ADAMTS6: variants seen among roughly 807,000 people sequenced by gnomAD.
ADAMTS6 encodes the protein A disintegrin and metalloproteinase with thrombospondin motifs 6.
Under a neutral mutation model 144.3 loss-of-function variants are expected in ADAMTS6, and 23 were observed. That is an observed-to-expected ratio of 0.16 (90% CI 0.11 to 0.23). ADAMTS6 has a LOEUF of 0.23. Ranked by LOEUF, ADAMTS6 falls within the 10% of genes least tolerant of loss-of-function variation. The probability of loss-of-function intolerance (pLI) is 1.00; values close to 1 mark genes in which losing one functional copy is unlikely to be tolerated. For synonymous variants in ADAMTS6, 444 were observed against 457.5 expected, an observed-to-expected ratio of 0.97 and a Z score of 0.38; for missense variants, 999 against 1,379.6, an observed-to-expected ratio of 0.72 and a Z score of 4.37.
rs536870765 is a variant in ADAMTS6, at chr5:65,440,632, C to T, written c.1073+10843G>A. Among the ~76,000 whole-genome samples, 7 of 152,172 alleles carry T rather than the reference C, an allele frequency of 4.6e-5. No individual in the cohort carries two copies. The East Asian group carries it at 5.8e-4, about 13-fold the overall frequency. On this transcript the variant is annotated intron_variant, in intron 7 of 24. Coordinates refer to ENST00000381055, the MANE Select transcript of ADAMTS6 (RefSeq NM_197941.4). ...TTGAGTGTGAATCTGGCTCATATGA[C>T]GTAAGAGAAGCACTTAAGGCCAGGC... is the stretch of plus-strand genomic sequence containing the variant.
At chr5:65,281,013 G>A (rs1762947873) in intron 11 of ADAMTS6, among the ~76,000 whole-genome samples, 1 of 152,126 alleles carries the variant, frequency 6.6e-6, no homozygotes, top group Non-Finnish European at 1.5e-5. Context: ...ATGTAGGGAT[G>A]TTGTAGGCAG....
At chr5:65,209,691 T>C (rs1263472807) in intron 20 of ADAMTS6, among the ~76,000 whole-genome samples, 2 of 152,300 alleles carry the variant, frequency 1.3e-5, no homozygotes, top group Non-Finnish European at 1.5e-5. Flanking sequence ...TAATAAAACA[T>C]ATGCAGGAAA....
rs73093241 is a variant in ADAMTS6, at chr5:65,475,517, G to A, written c.-279-1565C>T. 6.7e-3 allele frequency among the ~76,000 whole-genome samples: 1,024 copies of A among 152,272 alleles called. 14 individuals carry two copies. Among genetic ancestry groups the A allele is most frequent in the African/African-American group, 0.024 (980 of 41,566 alleles). On this transcript the variant is annotated intron_variant, in intron 1 of 24. Coordinates refer to ENST00000381055, the MANE Select transcript of ADAMTS6 (RefSeq NM_197941.4). ...AATGTAAGGCAGACTGACAAATGCCGTAATAAGGTCGTGCAAAGTTGTTGC... is the reference window on the plus strand; with the variant it reads ...AATGTAAGGCAGACTGACAAATGCCATAATAAGGTCGTGCAAAGTTGTTGC...
chr5:65,424,454 A>C (rs1387534496), intron 7 of ADAMTS6, among the ~76,000 whole-genome samples: 1 of 152,246 alleles, frequency 6.6e-6, no homozygotes, highest in Non-Finnish European at 1.5e-5. Context: ...GACATTGGAA[A>C]ATAAGTACAC....
In ADAMTS6 at chr5:65,440,801, A is replaced by G. The variant is rs1329135872; in HGVS notation, c.1073+10674T>C. Among the ~76,000 whole-genome samples, 3 of 152,206 alleles carry G rather than the reference A, an allele frequency of 2.0e-5. No individual in the cohort carries two copies. In the East Asian group the frequency reaches 5.8e-4, roughly 29 times the overall value. ...AGAGTACCCAGAAGGGACTTGCCTCAGTACTGGGGAATAATTAGCCCTAAA... is the reference window on the plus strand; with the variant it reads ...AGAGTACCCAGAAGGGACTTGCCTCGGTACTGGGGAATAATTAGCCCTAAA... On this transcript the variant is annotated intron_variant, in intron 7 of 24. Coordinates refer to ENST00000381055, the MANE Select transcript of ADAMTS6 (RefSeq NM_197941.4).
At position 65,207,053 on chromosome 5, in the gene ADAMTS6, T is replaced by A. The variant is rs548969648; in HGVS notation, c.2575+7741A>T. ...GAAACATTCCTGTATAATCATTTAG[T>A]ATATGTAAAATAAAATCTGTGCTCT... On this transcript the variant is annotated intron_variant, in intron 20 of 24. Coordinates refer to ENST00000381055, the MANE Select transcript of ADAMTS6 (RefSeq NM_197941.4). Among the ~76,000 whole-genome samples the A allele has an allele frequency of 1.7e-4, 26 of 152,324 alleles. 1 individual carries two copies. The highest frequency in any genetic ancestry group is 5.8e-4 in the East Asian group (3 of 5,190).
At chr5:65,431,866 G>C (rs1056838222) in intron 7 of ADAMTS6, among the ~76,000 whole-genome samples, 1 of 152,046 alleles carries the variant, frequency 6.6e-6, no homozygotes, top group Non-Finnish European at 1.5e-5. Context: ...CTCAGGGCTA[G>C]AGATGTATAT....
At chr5:65,275,213 C>CAA (rs70983666) in intron 11 of ADAMTS6, among the ~76,000 whole-genome samples, 1 of 63,814 alleles carries the variant, frequency 1.6e-5, no homozygotes, top group Non-Finnish European at 2.7e-5. Flanking sequence ...GGCTCTGTGT[C>CAA]AAAAAAAAAA....
chr5:65,388,799 G>A (rs1752676788), intron 7 of ADAMTS6, among the ~76,000 whole-genome samples: 2 of 152,102 alleles, frequency 1.3e-5, no homozygotes, highest in Admixed American at 1.3e-4. Flanking sequence ...GGGTGGCACT[G>A]TCCCCAAATA....
chr5:65,201,299 T>C (rs141808851), intron 20 of ADAMTS6, among the ~76,000 whole-genome samples: 2 of 152,102 alleles, frequency 1.3e-5, no homozygotes, highest in Non-Finnish European at 2.9e-5. Flanking sequence ...CTACTCCTCT[T>C]ATTAGCTGCC....
At chr5:65,179,636 T>C (rs945912729) in intron 22 of ADAMTS6, among the ~76,000 whole-genome samples, 9 of 152,092 alleles carry the variant, frequency 5.9e-5, no homozygotes, top group Non-Finnish European at 1.2e-4. Context: ...TGGTCTTTTG[T>C]CATTTAGGCT....
chr5:65,407,223 G>A (rs1177456419), intron 7 of ADAMTS6, among the ~76,000 whole-genome samples: 1 of 152,074 alleles, frequency 6.6e-6, no homozygotes, highest in South Asian at 2.1e-4. Flanking sequence ...AAATGTTAAG[G>A]GCAGCCAGAG....
intron 3 of ADAMTS6, among the ~76,000 whole-genome samples, chr5:65,462,387 C>G (rs1013997276): frequency 1.3e-5 from 2 of 152,100 alleles, no homozygotes; most frequent in Non-Finnish European, 2.9e-5. Context: ...AAGTCAGAAG[C>G]CTGGTAAGTA....
At chr5:65,348,810 T>C (rs1018835208) in intron 7 of ADAMTS6, among the ~76,000 whole-genome samples, 3 of 151,914 alleles carry the variant, frequency 2.0e-5, no homozygotes, top group African/African-American at 7.2e-5. Context: ...CTTGTCAATA[T>C]ACAATAAAAA....
chr5:65,335,910 A>G (rs375128002), intron 7 of ADAMTS6, among the ~76,000 whole-genome samples: 2 of 152,048 alleles, frequency 1.3e-5, no homozygotes, highest in African/African-American at 4.8e-5. Flanking sequence ...TAGGACATAC[A>G]TCTGAAACAG....
chr5:65,272,233 T>G (rs1326202189), intron 12 of ADAMTS6, among the ~76,000 whole-genome samples: 1 of 152,224 alleles, frequency 6.6e-6, no homozygotes, highest in African/African-American at 2.4e-5. Flanking sequence ...ATGACAGTAA[T>G]AGTTATTGCA....
chr5:65,293,908 C>A (rs1742568571), intron 10 of ADAMTS6, among the ~76,000 whole-genome samples: 1 of 151,984 alleles, frequency 6.6e-6, no homozygotes, highest in African/African-American at 2.4e-5. Context: ...GAATAAAACA[C>A]CATATGAAAT....
At chr5:65,439,944 A>G (rs1210745659) in intron 7 of ADAMTS6, among the ~76,000 whole-genome samples, 1 of 152,188 alleles carries the variant, frequency 6.6e-6, no homozygotes, top group Non-Finnish European at 1.5e-5. Context: ...AGCTGGGACT[A>G]CAGGCATGCG....
chr5:65,475,467 G>C (rs1760782435), intron 1 of ADAMTS6, among the ~76,000 whole-genome samples: 3 of 152,298 alleles, frequency 2.0e-5, no homozygotes, highest in Middle Eastern at 3.4e-3. Flanking sequence ...CCCTTGGAGA[G>C]CTCATAATCT....
Sources: allele counts gnomAD v4.1 joint callset (sites outside exome capture counted in the v4.1 genomes callset), GRCh38; gene constraint gnomAD v4.1.1; transcripts MANE v1.5; gene names NCBI Gene and HGNC (gene_info 2026-07-23, HGNC 2026-07-21).